The following CGAS variants were observed in gnomAD, a reference collection of about 807,000 sequenced individuals.
CGAS encodes cyclic GMP-AMP synthase.
A neutral mutation model predicts 34.0 loss-of-function variants in CGAS; 31 were observed. The observed-to-expected ratio is 0.91, with a 90% confidence interval of 0.69 to 1.23. CGAS has a LOEUF of 1.23. Ranked by LOEUF, CGAS falls within the 50% of genes most tolerant of loss-of-function variation. The probability of loss-of-function intolerance (pLI) is 0.00; values close to 1 mark genes in which losing one functional copy is unlikely to be tolerated. For missense variants in CGAS, 597 were observed against 657.6 expected (o/e 0.91, Z 1.01); for synonymous variants, 266 against 260.0 (o/e 1.02, Z -0.22).
chr6:73,435,342 T>C (rs1297517228), intron 3 of CGAS, among the ~76,000 whole-genome samples: 1 of 152,228 alleles, frequency 6.6e-6, no homozygotes, highest in Admixed American at 6.6e-5. Flanking sequence ...AGAATTTCAA[T>C]TGGCAAAAAG....
intron 3 of CGAS, among the ~76,000 whole-genome samples, chr6:73,431,480 A>C (rs1270482074): frequency 6.6e-6 from 1 of 152,158 alleles, no homozygotes; most frequent in African/African-American, 2.4e-5. Flanking sequence ...TCAAAAAAAC[A>C]AAACAACAAC....
At chr6:73,427,836 A>G (rs1770115244) in intron 4 of CGAS, among the ~76,000 whole-genome samples, 1 of 151,872 alleles carries the variant, frequency 6.6e-6, no homozygotes, top group African/African-American at 2.4e-5. Flanking sequence ...TTTTTGAGAC[A>G]GGGTGTCACT....
intron 1 of CGAS, among the ~76,000 whole-genome samples, chr6:73,445,981 A>AT (rs1770462237): frequency 1.3e-5 from 2 of 152,090 alleles, no homozygotes; most frequent in African/African-American, 4.8e-5. Context: ...ACCTAGTATT[A>AT]TTTTTATAAC....
intron 4 of CGAS, among the ~76,000 whole-genome samples, chr6:73,427,678 A>C (rs1404730059): frequency 6.6e-6 from 1 of 151,862 alleles, no homozygotes; most frequent in Non-Finnish European, 1.5e-5. Flanking sequence ...TGCCATCACA[A>C]AAAAAAATGG....
intron 2 of CGAS, among the ~76,000 whole-genome samples, chr6:73,443,754 A>G (rs929443204): frequency 1.3e-5 from 2 of 152,246 alleles, no homozygotes; most frequent in Non-Finnish European, 1.5e-5. Context: ...TAATAGCGTA[A>G]TAACATACAA....
At chr6:73,451,189 T>C (rs767304894) in intron 1 of CGAS, among the ~76,000 whole-genome samples, 2 of 152,092 alleles carry the variant, frequency 1.3e-5, no homozygotes, top group Non-Finnish European at 2.9e-5. Flanking sequence ...AGTCAATATC[T>C]GACTCGGGAC....
intron 1 of CGAS, among the ~76,000 whole-genome samples, chr6:73,450,969 G>C (rs1175403509): frequency 7.1e-6 from 1 of 140,128 alleles, no homozygotes; most frequent in African/African-American, 2.7e-5. Flanking sequence ...CAGCCTGGGG[G>C]ACGCAGCGAG....
At chr6:73,427,095 C>A (rs569805775) in intron 4 of CGAS, among the ~76,000 whole-genome samples, 1 of 151,856 alleles carries the variant, frequency 6.6e-6, no homozygotes, top group East Asian at 2.0e-4. Flanking sequence ...GGTGATCTAC[C>A]TGCCTCGGCC....
At chr6:73,449,841 A>G (rs1770532894) in intron 1 of CGAS, among the ~76,000 whole-genome samples, 2 of 151,728 alleles carry the variant, frequency 1.3e-5, no homozygotes, top group Admixed American at 1.3e-4. Context: ...CTAAAAATAC[A>G]TAAATTAGCC....
At chr6:73,449,857 TG>T (rs1230642325) in intron 1 of CGAS, among the ~76,000 whole-genome samples, 2 of 148,700 alleles carry the variant, frequency 1.3e-5, no homozygotes, top group Non-Finnish European at 3.0e-5. Context: ...TAGCCGGGAG[TG>T]GGGGCAGGCA....
chr6:73,436,473 T>C (rs1770281690), intron 3 of CGAS, among the ~76,000 whole-genome samples: 1 of 150,512 alleles, frequency 6.6e-6, no homozygotes, highest in Admixed American at 6.7e-5. Context: ...ATTTATATTA[T>C]ATACTATATA....
intron 3 of CGAS, among the ~76,000 whole-genome samples, chr6:73,430,112 G>A (rs1019625332): frequency 6.6e-6 from 1 of 151,580 alleles, no homozygotes; most frequent in Non-Finnish European, 1.5e-5. Context: ...TTCCATAAAA[G>A]GTAGATTTTA....
intron 3 of CGAS, among the ~76,000 whole-genome samples, chr6:73,434,654 T>C (rs577866825): frequency 6.6e-6 from 1 of 151,968 alleles, no homozygotes; most frequent in Non-Finnish European, 1.5e-5. Context: ...ATAAAGTATA[T>C]AATTTTTTTT....
chr6:73,428,938 G>A (rs1010262185), intron 3 of CGAS, 127 bp from the exon 4 acceptor site: 14 of 816,366 alleles, frequency 1.7e-5, no homozygotes, highest in African/African-American at 1.2e-4. Context: ...TGTAATCTCA[G>A]TACTTTGGGA....
intron 4 of CGAS, among the ~76,000 whole-genome samples, chr6:73,427,075 C>T (rs905466512): frequency 1.3e-5 from 2 of 151,628 alleles, no homozygotes; most frequent in Non-Finnish European, 2.9e-5. Flanking sequence ...GTCTCGAACT[C>T]CTGACCTCAG....
intron 3 of CGAS, among the ~76,000 whole-genome samples, chr6:73,429,826 A>C (rs1012995296): frequency 2.0e-5 from 3 of 147,776 alleles, no homozygotes; most frequent in Non-Finnish European, 4.5e-5. Flanking sequence ...ACTCTGTCTC[A>C]AAAAAAAAAA....
intron 1 of CGAS, among the ~76,000 whole-genome samples, chr6:73,449,476 AACAC>A (rs144519687): frequency 1.4e-4 from 20 of 142,898 alleles, no homozygotes; most frequent in East Asian, 1.3e-3. Context: ...CTCTGTCTCA[AACAC>A]ACACACACAC....
At chr6:73,443,572 C>T (rs1414423498) in intron 2 of CGAS, among the ~76,000 whole-genome samples, 1 of 152,162 alleles carries the variant, frequency 6.6e-6, no homozygotes, top group Non-Finnish European at 1.5e-5. Context: ...CTTCTTACCA[C>T]TCTACTTAAC....
At chr6:73,436,826 G>A (rs1008275920) in intron 3 of CGAS, among the ~76,000 whole-genome samples, 1 of 152,122 alleles carries the variant, frequency 6.6e-6, no homozygotes, top group Admixed American at 6.6e-5. Context: ...GAATGAGAGA[G>A]AGAGAGAGAG....
Sources: gnomAD v4.1 joint callset for allele counts (sites outside exome capture counted in the v4.1 genomes callset) on GRCh38, gnomAD v4.1.1 for gene constraint, MANE v1.5 for transcripts, NCBI Gene and HGNC (gene_info 2026-07-23, HGNC 2026-07-21) for gene names.